The following SHISA6 variants were observed in gnomAD, a reference collection of about 807,000 sequenced individuals.
SHISA6 encodes the protein shisa family member 6, also known as protein shisa-6.
In SHISA6, 22 loss-of-function variants were observed where a neutral mutation model predicts 47.9. That is an observed-to-expected ratio of 0.46 (90% CI 0.33 to 0.66). The LOEUF is 0.66. Ranked by LOEUF, SHISA6 falls within the 30% of genes least tolerant of loss-of-function variation. The probability of loss-of-function intolerance (pLI) is 0.02; values close to 1 mark genes in which losing one functional copy is unlikely to be tolerated. For synonymous variants in SHISA6, 388 were observed against 337.8 expected, an observed-to-expected ratio of 1.15 and a Z score of -1.63; for missense variants, 680 against 764.6, an observed-to-expected ratio of 0.89 and a Z score of 1.30.
intron 3 of SHISA6, among the ~76,000 whole-genome samples, chr17:11,400,107 A>G (rs1913714417): frequency 6.6e-6 from 1 of 152,056 alleles, no homozygotes. Context: ...CTCTTGTTAA[A>G]CCTCTACTAT....
chr17:11,283,758 G>A (rs1156991179), intron 2 of SHISA6, among the ~76,000 whole-genome samples: 2 of 152,168 alleles, frequency 1.3e-5, no homozygotes, highest in Non-Finnish European at 2.9e-5. Flanking sequence ...TGCAGTTTTG[G>A]ATTTCAAGAG....
chr17:11,335,503 C>T (rs1212620651), intron 2 of SHISA6, among the ~76,000 whole-genome samples: 1 of 152,132 alleles, frequency 6.6e-6, no homozygotes, highest in African/African-American at 2.4e-5. Flanking sequence ...ACTGAGGCAC[C>T]AGCACAGCCT....
chr17:11,262,958 A>T (rs1908287552), intron 1 of SHISA6, among the ~76,000 whole-genome samples: 1 of 152,138 alleles, frequency 6.6e-6, no homozygotes, highest in Non-Finnish European at 1.5e-5. Context: ...TTGGATGATG[A>T]AGTGGTCCCC....
rs1913701269 is a variant in SHISA6 at position 11,399,751 on chromosome 17, CAGG to C, written c.895+20247_895+20249del. 2.0e-5 allele frequency among the ~76,000 whole-genome samples: 3 copies of C among 152,050 alleles called. No homozygotes were observed. In the South Asian group the frequency reaches 6.2e-4, roughly 32 times the overall value. ...CCCCATTTTTTTAGAGTAGCAGATG[CAGG>C]AGGACAGGAATCAGAAAAACGTTTA... On this transcript the variant is annotated intron_variant, in intron 3 of 5. Transcript: ENST00000441885.
At position 11,502,620 on chromosome 17, in the gene SHISA6, G is replaced by A. The variant is rs146815414; in HGVS notation, c.896-49276G>A. On this transcript the variant is annotated intron_variant, in intron 3 of 5. Coordinates refer to ENST00000441885, the MANE Select transcript of SHISA6 (RefSeq NM_207386.4). The stretch of plus-strand genomic sequence containing the variant: ...TGTGTGCCTGTAATCCCAGCTACTC[G>A]GGAGGCTGGGGCAGGAGAATCGCTT... 5.1e-3 allele frequency among the ~76,000 whole-genome samples: 781 copies of A among 151,940 alleles called. 19 individuals carry two copies. The East Asian group carries it at 0.082, about 16-fold the overall frequency.
chr17:11,388,166 G>A (rs1455145043), intron 3 of SHISA6, among the ~76,000 whole-genome samples: 1 of 152,192 alleles, frequency 6.6e-6, no homozygotes, highest in Non-Finnish European at 1.5e-5. Flanking sequence ...AGTCCGGAGA[G>A]CCAGGGGAGT....
intron 2 of SHISA6, among the ~76,000 whole-genome samples, chr17:11,329,978 A>C (rs1330926662): frequency 6.6e-6 from 1 of 151,212 alleles, no homozygotes; most frequent in Non-Finnish European, 1.5e-5. Flanking sequence ...TTTTCATATG[A>C]GTAGAATACG....
At position 11,558,035 on chromosome 17, in the gene SHISA6, C is replaced by G. The variant is rs750236653; in HGVS notation, c.1387C>G (p.Arg463Gly). 76 of 1,551,522 alleles carry G rather than the reference C, an allele frequency of 4.9e-5. No homozygotes were observed. Among genetic ancestry groups the G allele is most frequent in the Non-Finnish European group, 6.5e-5 (74 of 1,146,994 alleles). ...HSQDPLLSPE[R>G]TAFPEQSLSR... ...CCAGGACCCGCTGCTGTCCCCGGAG[C>G]GGACGGCCTTTCCCGAGCAGTCGCT... is the stretch of plus-strand genomic sequence containing the variant. Residue 463 changes from arginine to glycine, a missense_variant, in exon 6 of 6, where the codon CGG becomes GGG. By Grantham distance (125) the Arg-to-Gly change is moderately radical (BLOSUM62 -2). Transcript: ENST00000441885.
chr17:11,541,638 A>G (rs1235131257), intron 3 of SHISA6, among the ~76,000 whole-genome samples: 1 of 152,220 alleles, frequency 6.6e-6, no homozygotes, highest in East Asian at 1.9e-4. Flanking sequence ...ATATGTATGA[A>G]TGAGTCTGAA....
At chr17:11,399,687 G>C (rs1913699454) in intron 3 of SHISA6, among the ~76,000 whole-genome samples, 1 of 152,148 alleles carries the variant, frequency 6.6e-6, no homozygotes, top group South Asian at 2.1e-4. Context: ...CTCCCAAACT[G>C]CTGGGATTAC....
intron 3 of SHISA6, among the ~76,000 whole-genome samples, chr17:11,521,061 T>C (rs930994917): frequency 6.6e-6 from 1 of 152,200 alleles, no homozygotes; most frequent in Non-Finnish European, 1.5e-5. Context: ...TCATGGAACA[T>C]GGTGCTTTGG....
chr17:11,502,278 G>A (rs1019198327), intron 3 of SHISA6, among the ~76,000 whole-genome samples: 83 of 151,564 alleles, frequency 5.5e-4, no homozygotes, highest in Admixed American at 9.2e-4. Flanking sequence ...GCGTGGTAGC[G>A]GGCGCCTGTA....
chr17:11,367,916 T>G (rs934494919), intron 2 of SHISA6, among the ~76,000 whole-genome samples: 1 of 152,166 alleles, frequency 6.6e-6, no homozygotes, highest in African/African-American at 2.4e-5. Context: ...AAGTTCTCTC[T>G]TAGGTGCTTG....
chr17:11,412,731 C>T (rs754281946), intron 3 of SHISA6, among the ~76,000 whole-genome samples: 13 of 151,922 alleles, frequency 8.6e-5, no homozygotes, highest in Middle Eastern at 3.2e-3. Flanking sequence ...TTAGTAGAGA[C>T]GGGGGAAGAA....
intron 3 of SHISA6, among the ~76,000 whole-genome samples, chr17:11,530,158 G>A (rs2071720016): frequency 6.6e-6 from 1 of 152,032 alleles, no homozygotes; most frequent in Non-Finnish European, 1.5e-5. Context: ...TCTTCCTTAG[G>A]GAAAACAATT....
intron 3 of SHISA6, among the ~76,000 whole-genome samples, chr17:11,533,175 A>C (rs1193964760): frequency 1.3e-5 from 2 of 152,150 alleles, no homozygotes; most frequent in East Asian, 3.9e-4. Context: ...CCCTTTGCTC[A>C]TTAGCCACAA....
intron 2 of SHISA6, among the ~76,000 whole-genome samples, chr17:11,358,698 CTG>C (rs1400726958): frequency 6.8e-6 from 1 of 147,318 alleles, no homozygotes; most frequent in African/African-American, 2.6e-5. Context: ...ACGTCTCACT[CTG>C]TTGTCCAGGC....
At chr17:11,513,265 A>G (rs980179504) in intron 3 of SHISA6, among the ~76,000 whole-genome samples, 4 of 151,682 alleles carry the variant, frequency 2.6e-5, no homozygotes, top group African/African-American at 7.3e-5. Context: ...CACATAAGAT[A>G]CATACATATA....
intron 3 of SHISA6, among the ~76,000 whole-genome samples, chr17:11,476,873 G>T (rs1409466750): frequency 6.6e-6 from 1 of 152,154 alleles, no homozygotes; most frequent in Admixed American, 6.5e-5. Context: ...GTCTCCAACT[G>T]TAACAGTGGA....
Sources: allele counts gnomAD v4.1 joint callset (sites outside exome capture counted in the v4.1 genomes callset), GRCh38; gene constraint gnomAD v4.1.1; transcripts MANE v1.5; gene names NCBI Gene and HGNC (gene_info 2026-07-23, HGNC 2026-07-21).